Variants in FBF1 observed in about 807,000 individuals in gnomAD.
The protein encoded by FBF1 is Fas binding factor 1.
A neutral mutation model predicts 147.2 loss-of-function variants in FBF1; 119 were observed. That is an observed-to-expected ratio of 0.81 (90% confidence interval 0.70 to 0.94). The LOEUF (loss-of-function observed/expected upper bound fraction) is 0.94. Ranked by LOEUF, FBF1 falls within the 40% of genes least tolerant of loss-of-function variation. FBF1 has a pLI of 0.00. For synonymous variants in FBF1, 601 were observed against 609.0 expected (o/e 0.99, Z 0.19); for missense variants, 1,449 against 1,500.8 (o/e 0.97, Z 0.57).
chr17:75,925,449 G>A lies in FBF1; in HGVS notation c.869-3C>T, dbSNP rs1454191138. 2 of 1,611,934 alleles carry A rather than the reference G, an allele frequency of 1.2e-6. No homozygotes were observed. The highest frequency in any genetic ancestry group is 2.2e-5 in the South Asian group (2 of 90,774). Reference sequence around the variant, plus strand: ...GTCACCCCACATATCTTCACTGTCTGTGAATTAAGGAGCCTGTGACCGTGA... The same window carrying A: ...GTCACCCCACATATCTTCACTGTCTATGAATTAAGGAGCCTGTGACCGTGA... On this transcript the variant is annotated splice_region_variant and splice_polypyrimidine_tract_variant and intron_variant, in intron 12 of 29. Transcript: ENST00000636174. The surrounding 1 kb of genome is among the most constrained non-coding windows in gnomAD (Gnocchi z 5.0).
chr17:75,921,722 G>A (rs2065528475), intron 15 of FBF1, among the ~76,000 whole-genome samples, 162 bp from the exon 16 acceptor site: 3 of 145,638 alleles, frequency 2.1e-5, no homozygotes, highest in South Asian at 4.5e-4. Flanking sequence ...GCTGGGACAC[G>A]GGGACGGGGC....
intron 7 of FBF1, 33 bp downstream of exon 7, chr17:75,929,964 C>CCCCCCTCCAAAAA: frequency 7.1e-7 from 1 of 1,402,202 alleles, no homozygotes; most frequent in Non-Finnish European, 9.9e-7. Context: ...CACCCACCCC[C>CCCCCCTCCAAAAA]AGTTCTAAGA....
chr17:75,932,945 G>A (rs778634400), intron 5 of FBF1, 50 bp downstream of exon 5: 4 of 1,288,948 alleles, frequency 3.1e-6, no homozygotes, highest in East Asian at 2.4e-5. Context: ...GGGGCAGAGA[G>A]CATTTAGACT....
Position 75,910,016 on chromosome 17 carries a change from C to T in FBF1, c.*707G>A. The T allele has an allele frequency of 3.0e-6, 2 of 674,548 alleles. No individual in the cohort carries two copies. Among genetic ancestry groups the T allele is most frequent in the Non-Finnish European group, 2.7e-6 (1 of 367,270 alleles). The allele number at this position is 674,548 out of a possible 1,614,324, so 41.8% of individuals were successfully genotyped here. ...CAGAGGCTTCCCTCCTCGTCCCTCC[C>T]CACACCCCACCATCGCCACAGCTCC... On this transcript the variant is annotated 3_prime_UTR_variant, in exon 30 of 30. Coordinates refer to ENST00000636174, the MANE Select transcript of FBF1 (RefSeq NM_001319193.2). The surrounding 1 kb of genome is among the most constrained non-coding windows in gnomAD (Gnocchi z 4.1).
Position 75,930,041 on chromosome 17 carries a change from C to T in FBF1, c.235G>A (p.Gly79Ser). 6.9e-7 allele frequency: 1 copy of T among 1,458,008 alleles called. No individual in the cohort carries two copies. Among genetic ancestry groups the T allele is most frequent in the Non-Finnish European group, 9.2e-7 (1 of 1,088,942 alleles). The allele number at this position is 1,458,008 out of a possible 1,614,324, so 90.3% of individuals were successfully genotyped here. The change falls in exon 7 of 30, where the codon GGT (glycine) becomes AGT (serine). Residue 79 changes from glycine to serine, a missense_variant. Coordinates refer to ENST00000636174, the MANE Select transcript of FBF1 (RefSeq NM_001319193.2). ...GLEEADAEVS[G>S]ISEADPQALL... Reference sequence around the variant, plus strand: ...GCCTGTGGGTCTGCCTCTGAGATACCTGAAACCTAAGTCCACAATGAGGGT... The same window carrying T: ...GCCTGTGGGTCTGCCTCTGAGATACTTGAAACCTAAGTCCACAATGAGGGT...
At chr17:75,926,543 G>C in intron 10 of FBF1, 117 bp from the exon 11 acceptor site, 2 of 1,414,394 alleles carry the variant, frequency 1.4e-6, no homozygotes, top group Non-Finnish European at 1.9e-6. Context: ...CTTTAGACCT[G>C]CCTGGTCTGT....
intron 15 of FBF1, 38 bp from the exon 16 acceptor site, chr17:75,921,598 G>C (rs1368675894): frequency 1.3e-6 from 2 of 1,551,072 alleles, no homozygotes; most frequent in East Asian, 2.3e-5. Flanking sequence ...AGCAGCCTCT[G>C]TGTGGGACAC....
At position 75,922,056 on chromosome 17, in the gene FBF1, G is replaced by A; in HGVS notation, c.1425-10C>T. On this transcript the variant is annotated splice_polypyrimidine_tract_variant and intron_variant, in intron 14 of 29. Transcript: ENST00000636174. This position sits in a 1 kb window ranked among gnomAD's most constrained non-coding sequence, Gnocchi z 5.0. Reference sequence around the variant, plus strand: ...GCTGGTGAGAGGTTGGCTGAGGAAAGGCAGCGTTCAAGGTGAAGGTGACAG... The same window carrying A: ...GCTGGTGAGAGGTTGGCTGAGGAAAAGCAGCGTTCAAGGTGAAGGTGACAG... 1 of 1,551,530 alleles carries A rather than the reference G, an allele frequency of 6.4e-7. No homozygotes were observed. Among genetic ancestry groups the A allele is most frequent in the Non-Finnish European group, 8.7e-7 (1 of 1,146,728 alleles).
chr17:75,909,886 G>A lies in FBF1; in HGVS notation c.*837C>T. ...TTTTTTTAAGCTTAGTCAAGTTGAA[G>A]CAGCGGGAGTGGAGGAGGATCAGAG... On this transcript the variant is annotated 3_prime_UTR_variant, in exon 30 of 30. Transcript: ENST00000636174. 2.9e-6 allele frequency: 2 copies of A among 700,362 alleles called. No homozygotes were observed. Among genetic ancestry groups the A allele is most frequent in the Non-Finnish European group, 2.6e-6 (1 of 383,550 alleles). The allele number at this position is 700,362 out of a possible 1,614,324, so 43.4% of individuals were successfully genotyped here.
intron 9 of FBF1, among the ~76,000 whole-genome samples, chr17:75,927,164 T>G (rs1285271493): frequency 1.3e-5 from 2 of 152,198 alleles, no homozygotes; most frequent in East Asian, 3.8e-4. Flanking sequence ...GAAATGTCCC[T>G]CAAGCATCAG....
Position 75,918,105 on chromosome 17 carries a change from C to T in FBF1, c.2247-35G>A. 6.2e-7 allele frequency: 1 copy of T among 1,606,824 alleles called. No individual in the cohort carries two copies. Among genetic ancestry groups the T allele is most frequent in the Non-Finnish European group, 8.5e-7 (1 of 1,175,118 alleles). ...GACTGGGTCACCCCCTCCTGACGGT[C>T]TCGGGGACCTTCCGGCCCCCAACGT... On this transcript the variant is annotated intron_variant, in intron 21 of 29. Coordinates refer to ENST00000636174, the MANE Select transcript of FBF1 (RefSeq NM_001319193.2). The surrounding 1 kb of genome is among the most constrained non-coding windows in gnomAD (Gnocchi z 5.8).
Position 75,909,604 on chromosome 17 carries a change from C to G in FBF1, c.*1119G>C. 1 of 512,474 alleles carries G rather than the reference C, an allele frequency of 2.0e-6. No individual in the cohort carries two copies. Among genetic ancestry groups the G allele is most frequent in the Non-Finnish European group, 3.5e-6 (1 of 288,790 alleles). The allele number at this position is 512,474 out of a possible 1,614,324, so 31.7% of individuals were successfully genotyped here. A position where few individuals can be genotyped will look rare whatever the true frequency, so the allele number is the denominator to read the frequency against. ...TTTCAGGCAGGTTATTTAATCTCCC[C>G]GGGCCTCAGTTTCTGCATGTTTGAA... On this transcript the variant is annotated 3_prime_UTR_variant, in exon 30 of 30. Transcript: ENST00000636174.
chr17:75,914,664 C>T lies in FBF1; in HGVS notation c.2814+83G>A, dbSNP rs117769600. The T allele has an allele frequency of 8.5e-3, 11,758 of 1,385,170 alleles. 81 individuals are homozygous for T. Among genetic ancestry groups the T allele is most frequent in the Non-Finnish European group, 0.01 (10,447 of 1,044,162 alleles). 85.8% of individuals were successfully genotyped at this position (1,385,170 alleles called of 1,614,324 possible). A position where few individuals can be genotyped will look rare whatever the true frequency, so the allele number is the denominator to read the frequency against. ...TGACATTAGTGCTACACTCTCCTTT[C>T]CTAAGACTGGAAGCGGATGTGTCCA... On this transcript the variant is annotated intron_variant, in intron 25 of 29. Coordinates refer to ENST00000636174, the MANE Select transcript of FBF1 (RefSeq NM_001319193.2).
Position 75,921,292 on chromosome 17 carries a change from C to G in FBF1, c.1626G>C (p.Thr542=). The G allele has an allele frequency of 1.9e-6, 3 of 1,591,760 alleles. No individual in the cohort carries two copies. The highest frequency in any genetic ancestry group is 1.3e-5 in the African/African-American group (1 of 74,656). The change falls in exon 17 of 30, where the codon ACG becomes ACC. Residue 542 remains threonine, a synonymous_variant. Transcript: ENST00000636174. ...PGDLSATEPA[T]CFPSTQKPTE... The stretch of plus-strand genomic sequence containing the variant: ...TGGGTTTCTGGGTGCTCGGGAAACA[C>G]GTGGCAGGCTCTGAAACATCAACAA...
Position 75,918,042 on chromosome 17 carries a change from C to A in FBF1, c.2275G>T (p.Glu759Ter), listed in dbSNP as rs750132953. The A allele has an allele frequency of 5.6e-6, 9 of 1,611,324 alleles. No individual in the cohort carries two copies. In the African/African-American group the frequency reaches 1.2e-4, roughly 22 times the overall value. The change falls in exon 22 of 30, where the codon GAG becomes TAG. Residue 759 changes from glutamate (E) to a stop codon, truncating the protein, a stop_gained. Transcript: ENST00000636174. LOFTEE classifies it high-confidence loss of function. This position sits in a 1 kb window ranked among gnomAD's most constrained non-coding sequence, Gnocchi z 5.8. ...TCGTGCAGGCTGCTGGAGAACTTCT[C>A]CATCTGGTGGATGATGCTATTCAGG... Reference protein sequence around the residue: ...RSLNSIIHQMEKFSSSLHELS... With the variant: ...RSLNSIIHQM
rs1335064238 is a variant in FBF1 at position 75,935,614 on chromosome 17, T to C, written c.73+18A>G. The C allele has an allele frequency of 6.5e-7, 1 of 1,534,722 alleles. No individual in the cohort carries two copies. Among genetic ancestry groups the C allele is most frequent in the Non-Finnish European group, 8.7e-7 (1 of 1,146,106 alleles). ...AGCAGCAGCCCAAATTAGGGGATTCTGGGCAAGGCACACTTACTATCATCC... is the reference window on the plus strand; with the variant it reads ...AGCAGCAGCCCAAATTAGGGGATTCCGGGCAAGGCACACTTACTATCATCC... On this transcript the variant is annotated intron_variant, in intron 4 of 29. Coordinates refer to ENST00000636174, the MANE Select transcript of FBF1 (RefSeq NM_001319193.2).
rs1455882787 is a variant in FBF1 at position 75,928,297 on chromosome 17, G to C, written c.280-104C>G. 2.6e-5 allele frequency: 21 copies of C among 819,908 alleles called. No homozygotes were observed. The highest frequency in any genetic ancestry group is 2.2e-4 in the South Asian group (14 of 64,144). 50.8% of individuals were successfully genotyped at this position (819,908 alleles called of 1,614,324 possible). On this transcript the variant is annotated intron_variant, in intron 7 of 29. Coordinates refer to ENST00000636174, the MANE Select transcript of FBF1 (RefSeq NM_001319193.2). This position sits in a 1 kb window ranked among gnomAD's most constrained non-coding sequence, Gnocchi z 4.2. ...TGGCACCCCAGGTGTAGAATTGTGA[G>C]AAAACAAAGGAAAATGAGAAAACTG...
At position 75,933,064 on chromosome 17, in the gene FBF1, T is replaced by G; in HGVS notation, c.98A>C (p.Lys33Thr). 6.2e-7 allele frequency: 1 copy of G among 1,606,412 alleles called. No homozygotes were observed. Among genetic ancestry groups the G allele is most frequent in the Non-Finnish European group, 8.5e-7 (1 of 1,173,830 alleles). The change falls in exon 5 of 30, where the codon AAA (lysine) becomes ACA (threonine). Residue 33 changes from lysine to threonine, a missense_variant. Transcript: ENST00000636174. ...DDMTLPEKPV[K>T]LASHTRDTTG... ...GGTGTCTCTGGTATGTGAAGCTAGT[T>G]TAACAGGCTTCTCAGGTAGTGTCAC...
chr17:75,926,623 T>A, intron 10 of FBF1, 135 bp downstream of exon 10: 1 of 1,384,808 alleles, frequency 7.2e-7, no homozygotes, highest in Non-Finnish European at 9.7e-7. Flanking sequence ...TAAAGGCTGA[T>A]GATCTCTTTG....
Sources: allele counts gnomAD v4.1 joint callset (sites outside exome capture counted in the v4.1 genomes callset), GRCh38; gene constraint gnomAD v4.1.1; non-coding constraint Gnocchi (gnomAD v3.1); transcripts MANE v1.5; gene names NCBI Gene and HGNC (gene_info 2026-07-23, HGNC 2026-07-21).